Variants in GRB10 observed in about 807,000 individuals in gnomAD.
GRB10 encodes growth factor receptor bound protein 10, also known as growth factor receptor-bound protein 10.
GRB10 carries 20 observed loss-of-function variants against 80.9 expected under a neutral mutation model. The observed-to-expected ratio is 0.25, with a 90% CI of 0.17 to 0.36. GRB10 has a LOEUF of 0.36. GRB10 is among the 10% of genes least tolerant of loss of function. The pLI is 1.00. For synonymous variants in GRB10, 291 were observed against 291.5 expected (o/e 1.00, Z 0.02); for missense variants, 548 against 747.7 (o/e 0.73, Z 3.12).
intron 5 of GRB10, among the ~76,000 whole-genome samples, chr7:50,682,431 T>G (rs2715135): frequency 0.68 from 102,765 of 152,110 alleles, 35,345 homozygotes; most frequent in African/African-American, 0.8. Context: ...AGAGCCATGA[T>G]ATCTGCTATT....
At chr7:50,700,493 T>C (rs544618900) in intron 5 of GRB10, among the ~76,000 whole-genome samples, 21 of 152,368 alleles carry the variant, frequency 1.4e-4, no homozygotes, top group Non-Finnish European at 2.1e-4. Context: ...TTTGTTCCTA[T>C]TGGTACTCTG....
chr7:50,771,274 C>T (rs4947864), intron 2 of GRB10, among the ~76,000 whole-genome samples: 6,378 of 152,258 alleles, frequency 0.042, 381 homozygotes, highest in Admixed American at 0.16. Flanking sequence ...CCATTCCGGT[C>T]CACTCCACCA....
intron 5 of GRB10, among the ~76,000 whole-genome samples, chr7:50,697,979 T>C (rs2063664474): frequency 6.6e-6 from 1 of 152,246 alleles, no homozygotes; most frequent in African/African-American, 2.4e-5. Context: ...ATCTGTGTCT[T>C]TCTGTTCCAT....
At chr7:50,660,143 G>T (rs773148187) in intron 7 of GRB10, among the ~76,000 whole-genome samples, 1 of 152,192 alleles carries the variant, frequency 6.6e-6, no homozygotes, top group Non-Finnish European at 1.5e-5. Flanking sequence ...ATGCAGTAAA[G>T]GGGCATGGGG....
intron 6 of GRB10, among the ~76,000 whole-genome samples, chr7:50,670,801 G>C (rs1346637358): frequency 6.6e-6 from 1 of 152,136 alleles, no homozygotes; most frequent in Non-Finnish European, 1.5e-5. Flanking sequence ...TATATAAAAA[G>C]GTTGTTGACA....
chr7:50,705,687 T>A (rs557915173), intron 4 of GRB10, among the ~76,000 whole-genome samples: 20 of 152,190 alleles, frequency 1.3e-4, no homozygotes, highest in African/African-American at 4.6e-4. Flanking sequence ...GTTTTTGAAA[T>A]TTTTCAGGCC....
intron 4 of GRB10, among the ~76,000 whole-genome samples, chr7:50,722,215 C>T (rs1383250104): frequency 6.6e-6 from 1 of 152,170 alleles, no homozygotes; most frequent in Non-Finnish European, 1.5e-5. Context: ...CCCCTCTGCC[C>T]TGCCCACTCT....
At chr7:50,746,064 T>C (rs961120735) in intron 3 of GRB10, among the ~76,000 whole-genome samples, 3 of 152,226 alleles carry the variant, frequency 2.0e-5, no homozygotes, top group African/African-American at 4.8e-5. Flanking sequence ...GAGTAGGATG[T>C]GGCAGTGTGA....
At chr7:50,736,955 A>G (rs1421884645) in intron 3 of GRB10, among the ~76,000 whole-genome samples, 1 of 152,242 alleles carries the variant, frequency 6.6e-6, no homozygotes, top group African/African-American at 2.4e-5. Flanking sequence ...AAAGACAGGG[A>G]AAAATCTTCA....
intron 5 of GRB10, among the ~76,000 whole-genome samples, chr7:50,702,865 T>G (rs903389132): frequency 7.2e-5 from 11 of 152,250 alleles, no homozygotes; most frequent in African/African-American, 2.7e-4. Context: ...CTAATTCAAG[T>G]ATTAACCTAA....
chr7:50,641,327 G>A (rs1002926530), intron 7 of GRB10, among the ~76,000 whole-genome samples: 4 of 151,890 alleles, frequency 2.6e-5, no homozygotes, highest in Non-Finnish European at 5.9e-5. Context: ...ACTCTCAGCC[G>A]AAACGTTTTG....
intron 1 of GRB10, chr7:50,781,526 A>C (rs1328245213): frequency 1.3e-5 from 2 of 152,216 alleles, no homozygotes; most frequent in Non-Finnish European, 2.9e-5. Context: ...TTTCAGACTT[A>C]AAAAGAACAA....
rs2078413602 is a variant in GRB10 at position 50,782,541 on chromosome 7, G to C, written c.-444C>G. On this transcript the variant is annotated 5_prime_UTR_variant, in exon 1 of 19. Transcript: ENST00000401949. The surrounding 1 kb of genome is among the most constrained non-coding windows in gnomAD (Gnocchi z 6.6). Reference sequence around the variant, plus strand: ...CGGCGCGTGGACAGCGCTCCGCATGGACAGCGCTCGGAGCCGGGCCGGGCT... The same window carrying C: ...CGGCGCGTGGACAGCGCTCCGCATGCACAGCGCTCGGAGCCGGGCCGGGCT... 6.6e-6 allele frequency: 1 copy of C among 150,486 alleles called. No individual in the cohort carries two copies. Among genetic ancestry groups the C allele is most frequent in the African/African-American group, 2.4e-5 (1 of 41,258 alleles). The allele number at this position is 150,486 out of a possible 1,614,324, so 9.3% of individuals were successfully genotyped here.
At chr7:50,619,890 A>G (rs2051364785) in intron 8 of GRB10, among the ~76,000 whole-genome samples, 1 of 152,144 alleles carries the variant, frequency 6.6e-6, no homozygotes, top group Non-Finnish European at 1.5e-5. Flanking sequence ...AGGGAAGAAA[A>G]CACACTCCAT....
At chr7:50,739,502 C>T (rs2071367844) in intron 3 of GRB10, among the ~76,000 whole-genome samples, 1 of 152,236 alleles carries the variant, frequency 6.6e-6, no homozygotes, top group South Asian at 2.1e-4. Flanking sequence ...AATCCATGCT[C>T]ACCTTGTCTA....
intron 7 of GRB10, among the ~76,000 whole-genome samples, chr7:50,653,356 A>G (rs1366252508): frequency 6.6e-6 from 1 of 152,204 alleles, no homozygotes; most frequent in Non-Finnish European, 1.5e-5. Flanking sequence ...CTTGCACAAG[A>G]GGAGTACAAC....
At chr7:50,729,723 C>G (rs899746882) in intron 4 of GRB10, among the ~76,000 whole-genome samples, 9 of 140,422 alleles carry the variant, frequency 6.4e-5, no homozygotes, top group Non-Finnish European at 9.4e-5. Flanking sequence ...ACTAACGGAG[C>G]CCCCCCCGAA....
At position 50,591,258 on chromosome 7, in the gene GRB10, G is replaced by A. The variant is rs534670729; in HGVS notation, c.*1694C>T. On this transcript the variant is annotated 3_prime_UTR_variant, in exon 19 of 19. Transcript: ENST00000401949. ...ATGGAAAACAACTAGAGTGTGGTCT[G>A]TAGACTGACATACAGTGTTACTATA... 13 of 152,344 alleles carry A rather than the reference G, an allele frequency of 8.5e-5. No individual in the cohort carries two copies. Among genetic ancestry groups the A allele is most frequent in the African/African-American group, 2.9e-4 (12 of 41,576 alleles). 9.4% of individuals were successfully genotyped at this position (152,344 alleles called of 1,614,324 possible). A position where few individuals can be genotyped will look rare whatever the true frequency, so the allele number is the denominator to read the frequency against.
chr7:50,600,602 G>A (rs540655371), intron 17 of GRB10, among the ~76,000 whole-genome samples: 67 of 152,164 alleles, frequency 4.4e-4, no homozygotes, highest in African/African-American at 1.6e-3. Flanking sequence ...AAGGAGAGAG[G>A]GGGGAAAAGA....
Sources: allele counts gnomAD v4.1 joint callset (sites outside exome capture counted in the v4.1 genomes callset), GRCh38; gene constraint gnomAD v4.1.1; non-coding constraint Gnocchi (gnomAD v3.1); transcripts MANE v1.5; gene names NCBI Gene and HGNC (gene_info 2026-07-23, HGNC 2026-07-21).